ELP4: variants seen among roughly 807,000 people sequenced by gnomAD.
ELP4 encodes elongator complex protein 4.
Under a neutral mutation model 48.9 loss-of-function variants are expected in ELP4, and 51 were observed. That is an observed-to-expected ratio of 1.04 (90% CI 0.83 to 1.32). The LOEUF (loss-of-function observed/expected upper bound fraction) is 1.32. Ranked by LOEUF, ELP4 falls within the 40% of genes most tolerant of loss-of-function variation. The probability of loss-of-function intolerance (pLI) is 0.00; values close to 1 mark genes in which losing one functional copy is unlikely to be tolerated. For missense variants in ELP4, 519 were observed against 514.6 expected (o/e 1.01, Z -0.08); for synonymous variants, 210 against 189.2 (o/e 1.11, Z -0.90).
chr11:31,620,036 A>G (rs1266635013), intron 5 of ELP4, among the ~76,000 whole-genome samples: 2 of 152,054 alleles, frequency 1.3e-5, no homozygotes, highest in Non-Finnish European at 2.9e-5. Context: ...CTGATAATGA[A>G]GATGGAGGAA....
intron 9 of ELP4, chr11:31,763,299 GAT>G: frequency 1.0e-6 from 1 of 955,524 alleles, no homozygotes; most frequent in South Asian, 2.4e-5. Context: ...CTTTTAAAAA[GAT>G]ACACAATTGA....
intron 9 of ELP4, among the ~76,000 whole-genome samples, chr11:31,744,714 A>G (rs1167785439): frequency 6.6e-6 from 1 of 152,192 alleles, no homozygotes; most frequent in Non-Finnish European, 1.5e-5. Context: ...AACTCTCAAT[A>G]AATTAGGTAT....
chr11:31,759,904 A>G (rs1947910460), intron 9 of ELP4, among the ~76,000 whole-genome samples: 1 of 151,752 alleles, frequency 6.6e-6, no homozygotes, highest in African/African-American at 2.4e-5. Context: ...ACAGGGTTTC[A>G]CTTGGCCAGG....
intron 3 of ELP4, among the ~76,000 whole-genome samples, chr11:31,546,779 A>G (rs1956729315): frequency 6.6e-6 from 1 of 152,156 alleles, no homozygotes; most frequent in South Asian, 2.1e-4. Flanking sequence ...AATTATAACA[A>G]ACTGTCTCTC....
chr11:31,594,906 G>T lies in ELP4; in HGVS notation c.513+5G>T, dbSNP rs970724832. On this transcript the variant is annotated splice_donor_5th_base_variant and intron_variant, in intron 4 of 9. Coordinates refer to ENST00000640961, the MANE Select transcript of ELP4 (RefSeq NM_019040.5). ...CAGTTATTACCCAAGATGGAGGCAA[G>T]TAAACATACAAATTCTTTCCAAAAT... The T allele has an allele frequency of 6.5e-7, 1 of 1,548,570 alleles. No homozygotes were observed. Among genetic ancestry groups the T allele is most frequent in the Non-Finnish European group, 8.6e-7 (1 of 1,158,138 alleles).
intron 5 of ELP4, 67 bp downstream of exon 5, chr11:31,603,974 A>G: frequency 2.2e-6 from 3 of 1,390,882 alleles, no homozygotes; most frequent in Non-Finnish European, 9.9e-7. Context: ...CTTTTACCAC[A>G]TTTTTGAAAG....
chr11:31,555,271 T>A (rs2133934135), intron 3 of ELP4, among the ~76,000 whole-genome samples: 1 of 152,212 alleles, frequency 6.6e-6, no homozygotes, highest in East Asian at 1.9e-4. Context: ...TGTGTGACAG[T>A]TCGTTAAGTT....
rs1592354691 is a variant in ELP4 at position 31,790,113 on chromosome 11, A to AAC, written c.*6590_*6591insCA. ...ATAGGTTTACAAAAAAAAAAAAAAA[A>AAC]AAAAAAACTAATACTTTCTAACATT... On this transcript the variant is annotated 3_prime_UTR_variant, in exon 10 of 10. Coordinates refer to ENST00000640961, the MANE Select transcript of ELP4 (RefSeq NM_019040.5). The AAC allele has an allele frequency of 1.3e-6, 1 of 793,464 alleles. No homozygotes were observed. The highest frequency in any genetic ancestry group is 1.8e-5 in the African/African-American group (1 of 55,688). The allele number at this position is 793,464 out of a possible 1,614,324, so 49.2% of individuals were successfully genotyped here. A position where few individuals can be genotyped will look rare whatever the true frequency, so the allele number is the denominator to read the frequency against.
intron 2 of ELP4, among the ~76,000 whole-genome samples, chr11:31,533,132 ATGTT>A (rs1468337181): frequency 2.0e-5 from 3 of 151,974 alleles, no homozygotes; most frequent in African/African-American, 7.3e-5. Context: ...TGGCTTCTTC[ATGTT>A]ATCACCCAAA....
chr11:31,568,162 A>G (rs975492311), intron 3 of ELP4, among the ~76,000 whole-genome samples: 8 of 152,178 alleles, frequency 5.3e-5, no homozygotes, highest in African/African-American at 1.9e-4. Flanking sequence ...TACACCAATA[A>G]TCAAGCTGAG....
rs530894187 is a variant in ELP4, at chr11:31,790,232, G to C, written c.*6708G>C. 6.4e-5 allele frequency: 34 copies of C among 529,420 alleles called. No homozygotes were observed. Among genetic ancestry groups the C allele is most frequent in the Non-Finnish European group, 9.3e-5 (29 of 310,730 alleles). The allele number at this position is 529,420 out of a possible 1,614,324, so 32.8% of individuals were successfully genotyped here. On this transcript the variant is annotated 3_prime_UTR_variant, in exon 10 of 10. Coordinates refer to ENST00000640961, the MANE Select transcript of ELP4 (RefSeq NM_019040.5). ...TGTATATATACCTATTGGATCCCAA[G>C]TACCCCCCACCCCAATCCAAAGGAA... is the stretch of plus-strand genomic sequence containing the variant.
In ELP4 at chr11:31,551,808, G is replaced by A. The variant is rs755388773; in HGVS notation, c.381+12025G>A. ...TTTAAATAATTTCAGCAACTTGTTT[G>A]TACATTACCTCCTCTTTTATGAAAT... On this transcript the variant is annotated intron_variant, in intron 3 of 9. Transcript: ENST00000640961. Among the ~76,000 whole-genome samples the A allele has an allele frequency of 1.2e-4, 18 of 152,056 alleles. 1 individual carries two copies. Among genetic ancestry groups the A allele is most frequent in the Admixed American group, 3.3e-4 (5 of 15,258 alleles).
At chr11:31,570,466 CTTT>C (rs35501118) in intron 3 of ELP4, among the ~76,000 whole-genome samples, 16 of 127,876 alleles carry the variant, frequency 1.3e-4, no homozygotes, top group Admixed American at 3.3e-4. Context: ...TGTAATATAC[CTTT>C]TTTTTTTTTT....
In ELP4 at chr11:31,611,598, G is replaced by A. The variant is rs192801311; in HGVS notation, c.653+7691G>A. On this transcript the variant is annotated intron_variant, in intron 5 of 9. Coordinates refer to ENST00000640961, the MANE Select transcript of ELP4 (RefSeq NM_019040.5). ...ACTTAGGATAGTCCAATCTACTGAA[G>A]TAAGTAAACATAATCATATGTCCGA... 2.5e-4 allele frequency among the ~76,000 whole-genome samples: 38 copies of A among 152,288 alleles called. No homozygotes were observed. The East Asian group carries it at 6.2e-3, about 25-fold the overall frequency.
At chr11:31,630,956 AAAAG>A (rs544944478) in intron 6 of ELP4, among the ~76,000 whole-genome samples, 103 of 152,234 alleles carry the variant, frequency 6.8e-4, no homozygotes, top group South Asian at 1.7e-3. Flanking sequence ...AAAAAAAGAA[AAAAG>A]AAAGAAAGAG....
intron 9 of ELP4, among the ~76,000 whole-genome samples, chr11:31,742,596 C>T (rs1014823668): frequency 6.6e-6 from 1 of 152,172 alleles, no homozygotes; most frequent in Non-Finnish European, 1.5e-5. Context: ...GGCCAATATT[C>T]AACTTTCTTA....
Position 31,518,141 on chromosome 11 carries a change from T to C in ELP4, c.224-1915T>C, listed in dbSNP as rs562723916. ...TTTTTTTTGAGACAGAGTTTCGCTC[T>C]TGTTGCCCAGGCTGGAGTGCAATGG... On this transcript the variant is annotated intron_variant, in intron 1 of 9. Coordinates refer to ENST00000640961, the MANE Select transcript of ELP4 (RefSeq NM_019040.5). 1.1e-3 allele frequency among the ~76,000 whole-genome samples: 165 copies of C among 151,196 alleles called. 1 individual carries two copies. Among genetic ancestry groups the C allele is most frequent in the Admixed American group, 4.9e-3 (74 of 15,202 alleles).
At chr11:31,712,594 A>T (rs907427154) in intron 9 of ELP4, among the ~76,000 whole-genome samples, 3 of 152,162 alleles carry the variant, frequency 2.0e-5, no homozygotes, top group Non-Finnish European at 4.4e-5. Context: ...TGTCTTTATC[A>T]TACTATTCTA....
intron 9 of ELP4, among the ~76,000 whole-genome samples, chr11:31,692,604 CAGTG>C (rs1396324211): frequency 1.3e-5 from 2 of 152,176 alleles, no homozygotes; most frequent in Admixed American, 6.6e-5. Context: ...GAAGAGTACA[CAGTG>C]ACAGCTCCCA....
Sources: allele counts gnomAD v4.1 joint callset (sites outside exome capture counted in the v4.1 genomes callset), GRCh38; gene constraint gnomAD v4.1.1; transcripts MANE v1.5; gene names NCBI Gene and HGNC (gene_info 2026-07-23, HGNC 2026-07-21).